Variants in NFIB observed in about 807,000 individuals in gnomAD.
NFIB encodes nuclear factor I B, also known as nuclear factor 1 B-type.
A neutral mutation model predicts 61.5 loss-of-function variants in NFIB; 11 were observed. The ratio of observed to expected loss-of-function variants is 0.18; its 90% confidence interval spans 0.11 to 0.30. The LOEUF (loss-of-function observed/expected upper bound fraction) is 0.30, where lower values mean the gene tolerates loss of function less well. Ranked by LOEUF, NFIB falls within the 10% of genes least tolerant of loss-of-function variation. The pLI, the probability that NFIB is intolerant of heterozygous loss-of-function variation, is 1.00. For missense variants in NFIB, 471 were observed against 608.9 expected (o/e 0.77, Z 2.38); for synonymous variants, 260 against 216.5 (o/e 1.20, Z -1.76).
chr9:14,356,623 G>T (rs112158306), intron 1 of NFIB, among the ~76,000 whole-genome samples: 5 of 152,000 alleles, frequency 3.3e-5, no homozygotes, highest in African/African-American at 1.2e-4. Flanking sequence ...TGGGGTTTAC[G>T]AGCAGGACTC....
chr9:14,216,506 C>G (rs1354674478), intron 2 of NFIB, among the ~76,000 whole-genome samples: 4 of 2,466 alleles, frequency 1.6e-3, no homozygotes, highest in Non-Finnish European at 3.8e-3. Context: ...CTCTCTCTCT[C>G]TCTCTCTCTC....
chr9:14,408,748 G>T, the NFIB span, among the ~76,000 whole-genome samples: 4 of 152,116 alleles, frequency 2.6e-5, no homozygotes, highest in African/African-American at 7.2e-5. Context: ...GGGGAAAAGT[G>T]GTTCTTAGAA....
At chr9:14,478,831 C>T in the NFIB span, among the ~76,000 whole-genome samples, 5 of 152,006 alleles carry the variant, frequency 3.3e-5, no homozygotes, top group African/African-American at 1.2e-4. Context: ...CAGGAAAAGC[C>T]CTAGAAGTGG....
At chr9:14,332,706 C>T (rs1435375275) in intron 1 of NFIB, among the ~76,000 whole-genome samples, 3 of 150,718 alleles carry the variant, frequency 2.0e-5, no homozygotes, top group East Asian at 1.9e-4. Context: ...TTGAAGAAGA[C>T]GTCGTCACTT....
intron 2 of NFIB, among the ~76,000 whole-genome samples, chr9:14,243,801 T>C (rs2054595903): frequency 6.6e-6 from 1 of 152,168 alleles, no homozygotes; most frequent in African/African-American, 2.4e-5. Context: ...CTGCATGACA[T>C]CATGTGGGAG....
Position 14,087,913 on chromosome 9 carries a change from C to T in NFIB, c.*396G>A. The T allele has an allele frequency of 4.1e-6, 1 of 241,008 alleles. No individual in the cohort carries two copies. Among genetic ancestry groups the T allele is most frequent in the Non-Finnish European group, 8.2e-6 (1 of 122,678 alleles). 14.9% of individuals were successfully genotyped at this position (241,008 alleles called of 1,614,324 possible). On this transcript the variant is annotated 3_prime_UTR_variant, in exon 11 of 11. Coordinates refer to ENST00000380953, the MANE Select transcript of NFIB (RefSeq NM_001190737.2). ...TAGAAAGTCAGTTAAAATATATTGT[C>T]ATAGAGACAGAACATCTATTTCCCA...
intron 1 of NFIB, among the ~76,000 whole-genome samples, chr9:14,344,657 A>G (rs1035001471): frequency 2.0e-5 from 3 of 152,080 alleles, no homozygotes; most frequent in South Asian, 2.1e-4. Flanking sequence ...GTCAGTGTTT[A>G]TACTGTTTTG....
chr9:14,425,085 G>T, the NFIB span, among the ~76,000 whole-genome samples: 1 of 152,196 alleles, frequency 6.6e-6, no homozygotes, highest in African/African-American at 2.4e-5. Context: ...CGCTGGCATG[G>T]ACAGCCAAAA....
At position 14,150,943 on chromosome 9, in the gene NFIB, A is replaced by G. The variant is rs190575300; in HGVS notation, c.686-678T>C. On this transcript the variant is annotated intron_variant, in intron 4 of 10. Coordinates refer to ENST00000380953, the MANE Select transcript of NFIB (RefSeq NM_001190737.2). Reference sequence around the variant, plus strand: ...AAAATATCTCATGATATTTTGTATAATTACATCTGTTCACATTTTTTAAAT... The same window carrying G: ...AAAATATCTCATGATATTTTGTATAGTTACATCTGTTCACATTTTTTAAAT... Among the ~76,000 whole-genome samples the G allele has an allele frequency of 7.2e-5, 11 of 152,276 alleles. No homozygotes were observed. The East Asian group carries it at 1.5e-3, about 21-fold the overall frequency.
chr9:14,456,952 G>A, the NFIB span, among the ~76,000 whole-genome samples: 1 of 152,144 alleles, frequency 6.6e-6, no homozygotes, highest in Admixed American at 6.5e-5. Context: ...AGTTTTGGAC[G>A]ATGGCTAAAT....
chr9:14,388,027 C>G (rs996246801), intron 1 of NFIB, among the ~76,000 whole-genome samples: 1 of 151,900 alleles, frequency 6.6e-6, no homozygotes, highest in Non-Finnish European at 1.5e-5. Context: ...TCTGTGTGCT[C>G]AAGAAGATGT....
the NFIB span, among the ~76,000 whole-genome samples, chr9:14,498,502 G>T: frequency 6.6e-6 from 1 of 152,130 alleles, no homozygotes; most frequent in Non-Finnish European, 1.5e-5. Flanking sequence ...GAATACGATG[G>T]ACAAAATAGG....
Position 14,150,222 on chromosome 9 carries a change from T to A in NFIB, c.729A>T (p.Glu243Asp). Reference protein sequence around the residue: ...QGTGVNFPIGEIPSQPYYHDM... With the variant: ...QGTGVNFPIGDIPSQPYYHDM... ...CATGATAGTATGGTTGGCTTGGGAT[T>A]TCTCCAATTGGGAAGTTGACTCCAG... Residue 243 changes from glutamate (E) to aspartate (D), a missense_variant, in exon 5 of 11, where the codon GAA becomes GAT. Glu to Asp is a conservative substitution (Grantham distance 45). Transcript: ENST00000380953. 1.2e-6 allele frequency: 2 copies of A among 1,613,518 alleles called. No homozygotes were observed. The highest frequency in any genetic ancestry group is 1.7e-6 in the Non-Finnish European group (2 of 1,179,568).
chr9:14,491,499 T>C, the NFIB span, among the ~76,000 whole-genome samples: 15 of 152,162 alleles, frequency 9.9e-5, no homozygotes, highest in Non-Finnish European at 1.8e-4. Context: ...AGACAGACAG[T>C]AGAAGATAGG....
the NFIB span, among the ~76,000 whole-genome samples, chr9:14,454,198 T>C: frequency 6.6e-6 from 1 of 152,232 alleles, no homozygotes; most frequent in Admixed American, 6.5e-5. Context: ...TTAGGACTCC[T>C]CAAAACCAGT....
chr9:14,430,288 G>A, the NFIB span, among the ~76,000 whole-genome samples: 49,428 of 151,780 alleles, frequency 0.33, 8,859 homozygotes, highest in South Asian at 0.49. Context: ...ACACCAACAC[G>A]AGGGACAGAA....
chr9:14,103,755 T>G (rs2118872727), intron 10 of NFIB, among the ~76,000 whole-genome samples: 1 of 152,236 alleles, frequency 6.6e-6, no homozygotes, highest in Non-Finnish European at 1.5e-5. Flanking sequence ...GTTATTTGCA[T>G]ATTTCAGGAT....
intron 6 of NFIB, among the ~76,000 whole-genome samples, chr9:14,142,764 A>C (rs920222749): frequency 2.0e-5 from 3 of 152,194 alleles, no homozygotes; most frequent in Non-Finnish European, 4.4e-5. Flanking sequence ...ATTAATCATT[A>C]AAATCTTAAA....
chr9:14,231,972 G>A (rs976369134), intron 2 of NFIB, among the ~76,000 whole-genome samples: 1 of 152,190 alleles, frequency 6.6e-6, no homozygotes, highest in African/African-American at 2.4e-5. Flanking sequence ...CAGTGTGGCT[G>A]AAAGACTTGG....
Sources: gnomAD v4.1 joint callset for allele counts (sites outside exome capture counted in the v4.1 genomes callset) on GRCh38, gnomAD v4.1.1 for gene constraint, MANE v1.5 for transcripts, NCBI Gene and HGNC (gene_info 2026-07-23, HGNC 2026-07-21) for gene names.